FBXO34: variants seen among roughly 807,000 people sequenced by gnomAD.
The protein encoded by FBXO34 is F-box protein 34.
Under a neutral mutation model 24.5 loss-of-function variants are expected in FBXO34, and 12 were observed. That is an observed-to-expected ratio of 0.49 (90% CI 0.31 to 0.79). FBXO34 has a LOEUF of 0.79. Among genes scored for constraint, FBXO34 ranks in the 30% least tolerant of loss-of-function variants. The pLI, the probability that FBXO34 is intolerant of heterozygous loss-of-function variation, is 0.04. For synonymous variants in FBXO34, 320 were observed against 311.9 expected, an observed-to-expected ratio of 1.03 and a Z score of -0.27; for missense variants, 823 against 857.7, an observed-to-expected ratio of 0.96 and a Z score of 0.51.
chr14:55,368,110 TA>T (rs75291779), downstream of FBXO34: 1 of 152,338 alleles, frequency 6.6e-6, no homozygotes, highest in Non-Finnish European at 1.5e-5. Flanking sequence ...TTATTAAAAA[TA>T]AACTACTTAC....
rs4898860 is a variant in FBXO34 at position 55,293,430 on chromosome 14, A to G, written c.-11+21893A>G. On this transcript the variant is annotated intron_variant, in intron 1 of 1. Transcript: ENST00000313833. ...AACTTTGACCTCAAGGGTTCTTCCT[A>G]CCTTGGCCTCCCAAAGCACTGGGAT... Among the ~76,000 whole-genome samples, 253 of 151,854 alleles carry G rather than the reference A, an allele frequency of 1.7e-3. 4 individuals carry two copies. The highest frequency in any genetic ancestry group is 0.015 in the Admixed American group (235 of 15,248).
downstream of FBXO34, chr14:55,368,994 T>C (rs1488924929): frequency 6.6e-6 from 1 of 152,622 alleles, no homozygotes; most frequent in Non-Finnish European, 1.5e-5. Context: ...TCATTTTCTT[T>C]GGTGTGTGGG....
chr14:55,393,350 A>C, the FBXO34 span, among the ~76,000 whole-genome samples: 2 of 151,908 alleles, frequency 1.3e-5, no homozygotes, highest in African/African-American at 4.8e-5. Context: ...GCGCCACTGC[A>C]CTCCAGCCTG....
chr14:55,357,409 C>T (rs1730122975), downstream of FBXO34, among the ~76,000 whole-genome samples: 1 of 152,204 alleles, frequency 6.6e-6, no homozygotes, highest in Admixed American at 6.5e-5. Flanking sequence ...CTCAGCCAAG[C>T]ATCCTTCAGT....
At chr14:55,397,682 G>A in the FBXO34 span, among the ~76,000 whole-genome samples, 11 of 152,146 alleles carry the variant, frequency 7.2e-5, no homozygotes, top group South Asian at 4.2e-4. Context: ...GATATCTTCC[G>A]CCCAGATTAA....
intron 1 of FBXO34, among the ~76,000 whole-genome samples, chr14:55,314,707 C>T (rs1002652659): frequency 2.0e-5 from 3 of 151,884 alleles, no homozygotes; most frequent in African/African-American, 7.3e-5. Flanking sequence ...AAGAAAAAAA[C>T]CTTGTTGGAA....
chr14:55,324,688 A>T (rs1023050100), intron 1 of FBXO34, among the ~76,000 whole-genome samples: 6 of 151,850 alleles, frequency 4.0e-5, no homozygotes, highest in African/African-American at 1.2e-4. Flanking sequence ...ATATTTTGCC[A>T]TTGTGTGTAT....
At chr14:55,315,601 C>G (rs545198190) in intron 1 of FBXO34, among the ~76,000 whole-genome samples, 1 of 152,316 alleles carries the variant, frequency 6.6e-6, no homozygotes, top group Non-Finnish European at 1.5e-5. Context: ...TCTGTTCTTA[C>G]TCTTAATCGA....
rs11547116 is a variant in FBXO34 at position 55,271,447 on chromosome 14, T to C, written c.-101T>C. 0.51 allele frequency: 77,584 copies of C among 151,660 alleles called. 21,115 individuals are homozygous for C. The highest frequency in any genetic ancestry group is 0.71 in the African/African-American group (29,400 of 41,432). The allele number at this position is 151,660 out of a possible 1,614,324, so 9.4% of individuals were successfully genotyped here. On this transcript the variant is annotated 5_prime_UTR_variant, in exon 1 of 2. Transcript: ENST00000313833. Reference sequence around the variant, plus strand: ...CTCGGTCCGACTCAGCGGTGGGGAGTGAGCCAGGCCTCCCGCCACCGCTGC... The same window carrying C: ...CTCGGTCCGACTCAGCGGTGGGGAGCGAGCCAGGCCTCCCGCCACCGCTGC...
At chr14:55,332,226 C>T (rs2140051619) in intron 1 of FBXO34, among the ~76,000 whole-genome samples, 1 of 151,850 alleles carries the variant, frequency 6.6e-6, no homozygotes, top group East Asian at 1.9e-4. Flanking sequence ...TTTGCTAGCA[C>T]ATTGGAGCAT....
downstream of FBXO34, among the ~76,000 whole-genome samples, chr14:55,366,006 G>A (rs1884669088): frequency 6.6e-6 from 1 of 152,178 alleles, no homozygotes; most frequent in Non-Finnish European, 1.5e-5. Flanking sequence ...GCATCTGAGT[G>A]GTTCCAACAT....
rs1883588760 is a variant in FBXO34 at position 55,331,830 on chromosome 14, TATATAAAAATATATATATACACCACCGG to T, written c.-10-18550_-10-18523del. On this transcript the variant is annotated intron_variant, in intron 1 of 1. Transcript: ENST00000313833. ...TATATATATACACCACCGGGGTGTA[TATATAAAAATATATATATACACCACCGG>T]GGTGTATATATAAAAATATATATAT... 3.9e-5 allele frequency among the ~76,000 whole-genome samples: 2 copies of T among 51,856 alleles called. 1 individual carries two copies. The highest frequency in any genetic ancestry group is 1.8e-4 in the African/African-American group (2 of 11,424). 34.0% of individuals were successfully genotyped at this position (51,856 alleles called of 152,430 possible). A position where few individuals can be genotyped will look rare whatever the true frequency, so the allele number is the denominator to read the frequency against.
At chr14:55,429,629 G>A in the FBXO34 span, among the ~76,000 whole-genome samples, 1 of 152,094 alleles carries the variant, frequency 6.6e-6, no homozygotes, top group South Asian at 2.1e-4. Context: ...AGCTGGACAT[G>A]GTGGCGGGCA....
Position 55,352,522 on chromosome 14 carries a change from A to G in FBXO34, c.2132A>G (p.Tyr711Cys), listed in dbSNP as rs1489045633. The G allele has an allele frequency of 1.3e-6, 2 of 1,597,558 alleles. No homozygotes were observed. Among genetic ancestry groups the G allele is most frequent in the Non-Finnish European group, 1.7e-6 (2 of 1,171,956 alleles). The change falls in exon 2 of 2, where the codon TAC (tyrosine) becomes TGC (cysteine). Residue 711 changes from tyrosine to cysteine, a missense_variant. Tyr to Cys is a radical substitution (Grantham distance 194). Around this residue, in one of 2 missense-constraint regions of FBXO34, gnomAD observed 130 missense variants for 198.6 expected, o/e 0.65. Transcript: ENST00000313833. ...KAKGTEAEEE[Y>C] ...AAAGGGACTGAAGCTGAAGAGGAAT[A>G]CTAAAGTCCATGTGAGAGGCAACAA...
chr14:55,382,850 A>G, the FBXO34 span, among the ~76,000 whole-genome samples: 2 of 152,246 alleles, frequency 1.3e-5, no homozygotes, highest in African/African-American at 4.8e-5. Flanking sequence ...ACTTTTGTTT[A>G]TATGGGTTAG....
At chr14:55,290,813 A>G (rs1462829369) in intron 1 of FBXO34, among the ~76,000 whole-genome samples, 1 of 152,082 alleles carries the variant, frequency 6.6e-6, no homozygotes, top group African/African-American at 2.4e-5. Flanking sequence ...GAATAACCTT[A>G]TTCAGATTTA....
intron 1 of FBXO34, among the ~76,000 whole-genome samples, chr14:55,294,929 C>A (rs1489289388): frequency 1.3e-5 from 2 of 152,210 alleles, no homozygotes; most frequent in Admixed American, 6.5e-5. Flanking sequence ...TACCAAATAT[C>A]ATAGCTTAGC....
chr14:55,350,909 G>T lies in FBXO34; in HGVS notation c.519G>T (p.Arg173Ser). The T allele has an allele frequency of 6.2e-7, 1 of 1,613,876 alleles. No individual in the cohort carries two copies. The highest frequency in any genetic ancestry group is 8.5e-7 in the Non-Finnish European group (1 of 1,179,912). ...QVERMREVNS[R>S]CYQPEPFACG... ...AAAGGATGAGGGAGGTTAACAGCAG[G>T]TGCTACCAACCTGAGCCTTTTGCAT... The change falls in exon 2 of 2, where the codon AGG becomes AGT. Residue 173 changes from arginine (R) to serine (S), a missense_variant. Coordinates refer to ENST00000313833, the MANE Select transcript of FBXO34 (RefSeq NM_017943.4).
chr14:55,284,825 A>G (rs1474999910), intron 1 of FBXO34, among the ~76,000 whole-genome samples: 2 of 149,622 alleles, frequency 1.3e-5, no homozygotes, highest in Non-Finnish European at 3.0e-5. Flanking sequence ...GCCTTTGCCC[A>G]GGCTGGTCTT....
Sources: allele counts gnomAD v4.1 joint callset (sites outside exome capture counted in the v4.1 genomes callset), GRCh38; gene constraint gnomAD v4.1.1; regional missense constraint gnomAD v4.1.1; transcripts MANE v1.5; gene names NCBI Gene and HGNC (gene_info 2026-07-23, HGNC 2026-07-21).